The following NBN variants were observed in gnomAD, a reference collection of about 807,000 sequenced individuals.
NBN encodes the protein Nijmegen breakage syndrome 1 (nibrin).
NBN carries 88 observed loss-of-function variants against 90.8 expected under a neutral mutation model. The observed-to-expected ratio is 0.97, with a 90% CI of 0.82 to 1.16. The LOEUF (loss-of-function observed/expected upper bound fraction) is 1.16, where lower values mean the gene tolerates loss of function less well. Among genes scored for constraint, NBN ranks in the 50% most tolerant of loss-of-function variants. The pLI is 0.00. For synonymous variants in NBN, 328 were observed against 295.1 expected, an observed-to-expected ratio of 1.11 and a Z score of -1.14; for missense variants, 894 against 869.6, an observed-to-expected ratio of 1.03 and a Z score of -0.35.
chr8:89,973,977 T>C (rs1250291834), intron 5 of NBN, among the ~76,000 whole-genome samples: 4 of 152,316 alleles, frequency 2.6e-5, no homozygotes, highest in South Asian at 2.1e-4. Flanking sequence ...TATAAAATGA[T>C]ATTAATCTAG....
chr8:89,957,912 T>C (rs1810803867), intron 9 of NBN, among the ~76,000 whole-genome samples: 1 of 152,310 alleles, frequency 6.6e-6, no homozygotes, highest in Non-Finnish European at 1.5e-5. Flanking sequence ...TTATGTACTT[T>C]ATTTCTATTA....
intron 11 of NBN, among the ~76,000 whole-genome samples, chr8:89,948,988 C>T (rs1810324174): frequency 6.6e-6 from 1 of 152,150 alleles, no homozygotes; most frequent in South Asian, 2.1e-4. Flanking sequence ...TGGAAATTAT[C>T]TTATATTCTT....
chr8:89,937,356 C>T (rs1809740381), intron 14 of NBN: 2 of 427,482 alleles, frequency 4.7e-6, no homozygotes, highest in Non-Finnish European at 8.7e-6. Context: ...TTTAAACACT[C>T]TTTCCAGCAA....
At chr8:89,944,095 G>C (rs1016294104) in intron 13 of NBN, among the ~76,000 whole-genome samples, 22 of 146,882 alleles carry the variant, frequency 1.5e-4, no homozygotes, top group African/African-American at 5.5e-4. Flanking sequence ...AGGGTTTTTT[G>C]TTTGTTTTGA....
intron 1 of NBN, 170 bp downstream of exon 1, chr8:89,984,355 G>T: frequency 1.4e-6 from 1 of 690,226 alleles, no homozygotes. Flanking sequence ...CAGCCGCCGT[G>T]CTGCCCGGGA....
At chr8:89,949,451 G>C (rs950854908) in intron 11 of NBN, among the ~76,000 whole-genome samples, 2 of 152,104 alleles carry the variant, frequency 1.3e-5, no homozygotes, top group African/African-American at 4.8e-5. Flanking sequence ...ATGAAGTGAA[G>C]AGGAAATATA....
intron 11 of NBN, among the ~76,000 whole-genome samples, chr8:89,948,875 C>T (rs1350054338): frequency 6.6e-6 from 1 of 152,150 alleles, no homozygotes; most frequent in Non-Finnish European, 1.5e-5. Context: ...TACCTTCTCC[C>T]CATCCTGCCC....
At chr8:89,968,727 C>T (rs1200930920) in intron 7 of NBN, among the ~76,000 whole-genome samples, 1 of 152,132 alleles carries the variant, frequency 6.6e-6, no homozygotes, top group Non-Finnish European at 1.5e-5. Flanking sequence ...TTCCCCACTG[C>T]CGGGTTACTG....
At chr8:89,970,994 AC>A (rs1811486893) in intron 6 of NBN, among the ~76,000 whole-genome samples, 178 bp downstream of exon 6, 1 of 152,048 alleles carries the variant, frequency 6.6e-6, no homozygotes, top group Non-Finnish European at 1.5e-5. Flanking sequence ...ATTTTAAGAA[AC>A]CCCGTAATCA....
intron 11 of NBN, among the ~76,000 whole-genome samples, chr8:89,949,722 G>T (rs561155862): frequency 6.6e-6 from 1 of 152,282 alleles, no homozygotes; most frequent in South Asian, 2.1e-4. Flanking sequence ...CTATTGGAAA[G>T]TGCCTTTCTG....
chr8:89,979,258 C>T (rs760786337), intron 4 of NBN, among the ~76,000 whole-genome samples: 3 of 152,172 alleles, frequency 2.0e-5, no homozygotes, highest in African/African-American at 4.8e-5. Flanking sequence ...GGATTACAGA[C>T]GCAAGCCACT....
intron 7 of NBN, among the ~76,000 whole-genome samples, chr8:89,966,266 G>A (rs1465069256): frequency 2.6e-5 from 4 of 152,090 alleles, no homozygotes; most frequent in Admixed American, 2.0e-4. Context: ...GATTACAAAG[G>A]AGAATGGAAA....
chr8:89,950,971 T>C (rs1810417592), intron 11 of NBN, among the ~76,000 whole-genome samples: 1 of 151,852 alleles, frequency 6.6e-6, no homozygotes, highest in African/African-American at 2.4e-5. Context: ...CATTTCCAGA[T>C]AGATTTGTGG....
intron 7 of NBN, among the ~76,000 whole-genome samples, chr8:89,966,719 T>C (rs1237635004): frequency 1.3e-5 from 2 of 152,104 alleles, no homozygotes; most frequent in South Asian, 4.1e-4. Flanking sequence ...GGGCCAAGAA[T>C]AGCCAGGATG....
In NBN at chr8:89,938,678, C is replaced by T. The variant is rs1224663570; in HGVS notation, c.2185-1603G>A. ...AGCTCTTAACGAGGCTGCCTCAGGG[C>T]TTCTGAATCTCTAGAGCAAGCCTAC... On this transcript the variant is annotated intron_variant, in intron 14 of 15. Transcript: ENST00000265433. 2.6e-5 allele frequency among the ~76,000 whole-genome samples: 4 copies of T among 152,180 alleles called. 1 individual carries two copies. In the South Asian group the frequency reaches 6.2e-4, roughly 24 times the overall value.
rs763296399 is a variant in NBN at position 89,958,802 on chromosome 8, A to G, written c.1047T>C (p.Asp349=). The change falls in exon 9 of 16, where the codon GAT becomes GAC. Residue 349 remains aspartate, a synonymous_variant. Transcript: ENST00000265433. ...GPSLSQGVSV[D]EKLMPSAPVN... ...CTGGGGCGCTTGGCATTAGTTTTTC[A>G]TCAACTGACACGCCTTGTGAAAGGC... The G allele has an allele frequency of 6.2e-7, 1 of 1,614,034 alleles. No individual in the cohort carries two copies. The highest frequency in any genetic ancestry group is 8.5e-7 in the Non-Finnish European group (1 of 1,179,916).
intron 15 of NBN, 40 bp from the exon 16 acceptor site, chr8:89,935,652 G>A (rs2130735910): frequency 6.3e-7 from 1 of 1,599,396 alleles, no homozygotes; most frequent in Non-Finnish European, 8.6e-7. Flanking sequence ...ATTTAGATAA[G>A]GGATGGTATT....
Position 89,955,324 on chromosome 8 carries a change from G to T in NBN, c.1356C>A (p.Thr452=), listed in dbSNP as rs1402518842. The T allele has an allele frequency of 6.2e-7, 1 of 1,613,578 alleles. No individual in the cohort carries two copies. The highest frequency in any genetic ancestry group is 2.2e-5 in the East Asian group (1 of 44,856). ...GCTGAAAGTAGTTTCTGATGGAGTT[G>T]GTCTGCTGCTGCTGAGAAGCCCTAT... The part of the protein sequence containing the change: ...SKDRASQQQQ[T]NSIRNYFQPS... Residue 452 remains threonine, a synonymous_variant, in exon 10 of 16, where the codon ACC becomes ACA. Coordinates refer to ENST00000265433, the MANE Select transcript of NBN (RefSeq NM_002485.5).
intron 5 of NBN, among the ~76,000 whole-genome samples, chr8:89,971,500 G>A (rs76498427): frequency 2.0e-5 from 3 of 152,194 alleles, no homozygotes; most frequent in Admixed American, 1.3e-4. Context: ...ACAAAGAAGA[G>A]CTAGAATTGA....
Sources: allele counts gnomAD v4.1 joint callset (sites outside exome capture counted in the v4.1 genomes callset), GRCh38; gene constraint gnomAD v4.1.1; transcripts MANE v1.5; gene names NCBI Gene and HGNC (gene_info 2026-07-23, HGNC 2026-07-21).